Variants in PLCXD2 observed in about 807,000 individuals in gnomAD.
The protein encoded by PLCXD2 is phosphatidylinositol specific phospholipase C X domain containing 2.
A neutral mutation model predicts 28.6 loss-of-function variants in PLCXD2; 21 were observed. The observed-to-expected ratio is 0.73, with a 90% CI of 0.52 to 1.06. The LOEUF (loss-of-function observed/expected upper bound fraction) is 1.06. Among genes scored for constraint, PLCXD2 ranks in the 50% least tolerant of loss-of-function variants. The pLI, the probability that PLCXD2 is intolerant of heterozygous loss-of-function variation, is 0.00. For synonymous variants in PLCXD2, 140 were observed against 150.1 expected, an observed-to-expected ratio of 0.93 and a Z score of 0.49; for missense variants, 369 against 376.7, an observed-to-expected ratio of 0.98 and a Z score of 0.17.
intron 2 of PLCXD2, among the ~76,000 whole-genome samples, chr3:111,713,239 G>A (rs551358139): frequency 1.3e-5 from 2 of 152,306 alleles, no homozygotes; most frequent in Admixed American, 1.3e-4. Flanking sequence ...TATGAGGGTA[G>A]AATTTAAGAA....
chr3:111,680,829 T>A (rs577209287), intron 1 of PLCXD2, among the ~76,000 whole-genome samples: 1 of 152,360 alleles, frequency 6.6e-6, no homozygotes, highest in East Asian at 1.9e-4. Flanking sequence ...AGTGTCCTTC[T>A]CTGTAACACA....
intron 1 of PLCXD2, among the ~76,000 whole-genome samples, chr3:111,682,993 C>T (rs562530980): frequency 2.6e-3 from 390 of 152,242 alleles, no homozygotes; most frequent in African/African-American, 9.2e-3. Flanking sequence ...CCCTTTTGTG[C>T]CAGGTACTGT....
intron 1 of PLCXD2, among the ~76,000 whole-genome samples, chr3:111,705,100 A>G (rs865784541): frequency 6.6e-6 from 1 of 152,124 alleles, no homozygotes; most frequent in South Asian, 2.1e-4. Flanking sequence ...TACAGGCATG[A>G]GCCACCACGC....
chr3:111,714,720 G>A (rs1308162481), intron 3 of PLCXD2, among the ~76,000 whole-genome samples: 1 of 152,186 alleles, frequency 6.6e-6, no homozygotes, highest in African/African-American at 2.4e-5. Context: ...ACCAATGAAT[G>A]ATAGATGTTC....
intron 1 of PLCXD2, among the ~76,000 whole-genome samples, chr3:111,682,552 C>G (rs183706999): frequency 3.3e-5 from 5 of 152,102 alleles, no homozygotes; most frequent in African/African-American, 1.2e-4. Context: ...CATTTGTGCG[C>G]TATAATGCAA....
intron 1 of PLCXD2, among the ~76,000 whole-genome samples, chr3:111,696,274 C>T (rs1045934413): frequency 3.9e-5 from 6 of 152,200 alleles, no homozygotes; most frequent in Non-Finnish European, 7.3e-5. Context: ...GCCCAGACAC[C>T]TTCTGGTAGC....
At chr3:111,716,714 C>T (rs1260976848) in intron 3 of PLCXD2, among the ~76,000 whole-genome samples, 7 of 152,096 alleles carry the variant, frequency 4.6e-5, no homozygotes, top group African/African-American at 9.7e-5. Flanking sequence ...TGTTGTGCCC[C>T]GTCCCATCCC....
At chr3:111,682,329 C>T (rs1258013009) in intron 1 of PLCXD2, among the ~76,000 whole-genome samples, 1 of 152,158 alleles carries the variant, frequency 6.6e-6, no homozygotes, top group Non-Finnish European at 1.5e-5. Flanking sequence ...TAGGTTATAT[C>T]ATCTATGAAA....
At chr3:111,699,280 C>T (rs961700498) in intron 1 of PLCXD2, among the ~76,000 whole-genome samples, 3 of 152,156 alleles carry the variant, frequency 2.0e-5, no homozygotes, top group African/African-American at 7.2e-5. Flanking sequence ...TGCCATTGTA[C>T]TGTAATGAAA....
intron 1 of PLCXD2, chr3:111,691,253 T>A (rs564733374): frequency 5.9e-5 from 9 of 152,368 alleles, no homozygotes; most frequent in African/African-American, 2.2e-4. Flanking sequence ...TAGTCCTTCA[T>A]AAATATGGTC....
intron 3 of PLCXD2, chr3:111,726,321 C>G (rs891973520): frequency 6.5e-6 from 1 of 153,618 alleles, no homozygotes; most frequent in Non-Finnish European, 1.4e-5. Context: ...AACTTATACC[C>G]CAATATAATA....
At chr3:111,686,966 A>G (rs1017489304) in intron 1 of PLCXD2, among the ~76,000 whole-genome samples, 3 of 152,154 alleles carry the variant, frequency 2.0e-5, no homozygotes, top group Admixed American at 2.0e-4. Flanking sequence ...AGGGGTGAAA[A>G]GGAGCAGAGA....
intron 3 of PLCXD2, among the ~76,000 whole-genome samples, chr3:111,720,048 A>G (rs1250385508): frequency 6.6e-6 from 1 of 152,168 alleles, no homozygotes; most frequent in Non-Finnish European, 1.5e-5. Context: ...AGATTGATGG[A>G]TAGATATGTG....
At chr3:111,721,777 C>T (rs1415617498) in intron 3 of PLCXD2, 1 of 152,178 alleles carries the variant, frequency 6.6e-6, no homozygotes, top group Non-Finnish European at 1.5e-5. Flanking sequence ...GGTCTTCAAG[C>T]CTGATCTTGG....
chr3:111,721,842 C>T (rs9877859), intron 3 of PLCXD2: 76,763 of 152,094 alleles, frequency 0.5, 23,529 homozygotes, highest in East Asian at 0.83. Flanking sequence ...TGGGACACAA[C>T]GCTAAGTGGA....
At chr3:111,679,496 G>A (rs548505247) in intron 1 of PLCXD2, among the ~76,000 whole-genome samples, 1 of 152,320 alleles carries the variant, frequency 6.6e-6, no homozygotes, top group South Asian at 2.1e-4. Context: ...GCAGTAGAAG[G>A]TAGCAGCGCA....
intron 1 of PLCXD2, among the ~76,000 whole-genome samples, chr3:111,692,144 C>T (rs1176409703): frequency 6.6e-6 from 1 of 152,202 alleles, no homozygotes; most frequent in Non-Finnish European, 1.5e-5. Flanking sequence ...CGGGTTCATG[C>T]CGTTCTCCAG....
intron 1 of PLCXD2, chr3:111,692,520 T>A (rs1303363716): frequency 1.3e-5 from 2 of 152,224 alleles, no homozygotes; most frequent in South Asian, 4.1e-4. Flanking sequence ...ATAGAAGCTC[T>A]CTCTCAAAGG....
At chr3:111,699,526 A>G (rs1941011256) in intron 1 of PLCXD2, among the ~76,000 whole-genome samples, 2 of 152,180 alleles carry the variant, frequency 1.3e-5, no homozygotes. Flanking sequence ...CCAGATAAAG[A>G]GCAAACTGAT....
Sources: gnomAD v4.1 joint callset for allele counts (sites outside exome capture counted in the v4.1 genomes callset) on GRCh38, gnomAD v4.1.1 for gene constraint, MANE v1.5 for transcripts, NCBI Gene and HGNC (gene_info 2026-07-23, HGNC 2026-07-21) for gene names.